Variants in ARHGAP36 observed in about 807,000 individuals in gnomAD.
ARHGAP36 encodes the protein Rho GTPase activating protein 36, also known as rho GTPase-activating protein 36.
In ARHGAP36, 7 loss-of-function variants were observed where a neutral mutation model predicts 32.9. The ratio of observed to expected loss-of-function variants is 0.21; its 90% confidence interval spans 0.12 to 0.40. The LOEUF is 0.40. Ranked by LOEUF, ARHGAP36 falls within the 10% of genes least tolerant of loss-of-function variation. ARHGAP36 has a pLI of 1.00. For synonymous variants in ARHGAP36, 165 were observed against 168.3 expected (o/e 0.98, Z 0.15); for missense variants, 383 against 442.2 (o/e 0.87, Z 1.20).
intron 1 of ARHGAP36, among the ~76,000 whole-genome samples, chrX:131,061,129 AT>A (rs68035708): frequency 1.0e-4 from 11 of 107,541 alleles, no homozygotes; most frequent in African/African-American, 1.0e-4. Flanking sequence ...TGTGACAGCA[AT>A]TTTTTTTTTG....
intron 1 of ARHGAP36, among the ~76,000 whole-genome samples, chrX:131,073,308 C>A (rs1453777887): frequency 8.9e-6 from 1 of 112,906 alleles, no homozygotes; most frequent in Non-Finnish European, 1.9e-5. Flanking sequence ...GCAGGACCCG[C>A]GCAGCGCACC....
chrX:131,076,831 C>T (rs758443345), intron 1 of ARHGAP36, among the ~76,000 whole-genome samples: 4 of 111,936 alleles, frequency 3.6e-5, no homozygotes, highest in Middle Eastern at 4.6e-3. Context: ...GGCTAAGGTC[C>T]TATTTCTGAA....
At chrX:131,063,759 G>A (rs1321188458) in intron 1 of ARHGAP36, among the ~76,000 whole-genome samples, 1 of 72,077 alleles carries the variant, frequency 1.4e-5, no homozygotes, top group African/African-American at 5.1e-5. Flanking sequence ...TTCCACCACC[G>A]CTCCCTGCTT....
chrX:131,073,442 C>T, intron 1 of ARHGAP36, among the ~76,000 whole-genome samples: 1 of 111,820 alleles, frequency 8.9e-6, no homozygotes. Context: ...AGCTCAGAGC[C>T]GAGGGCACGC....
At position 131,086,048 on chromosome X, in the gene ARHGAP36, G is replaced by A; in HGVS notation, c.1240G>A (p.Val414Met). The A allele has an allele frequency of 8.3e-7, 1 of 1,211,761 alleles. No homozygotes were observed. The highest frequency in any genetic ancestry group is 1.1e-6 in the Non-Finnish European group (1 of 895,544). ...GIDHYVASVN[V>M]VRAMIDNWDV... Reference sequence around the variant, plus strand: ...TGATCACTATGTTGCTTCTGTCAATGTGGTCCGTGCCATGATTGATAACTG... The same window carrying A: ...TGATCACTATGTTGCTTCTGTCAATATGGTCCGTGCCATGATTGATAACTG... Residue 414 changes from valine (V) to methionine (M), a missense_variant, in exon 9 of 12, where the codon GTG (valine) becomes ATG (methionine). Coordinates refer to ENST00000276211, the MANE Select transcript of ARHGAP36 (RefSeq NM_144967.4).
chrX:131,069,495 A>G (rs2079721372), intron 1 of ARHGAP36, among the ~76,000 whole-genome samples: 1 of 111,224 alleles, frequency 9.0e-6, no homozygotes, highest in Non-Finnish European at 1.9e-5. Context: ...CAGTTAACAT[A>G]CAGAGGATGT....
chrX:131,078,775 C>A lies in ARHGAP36; in HGVS notation c.-142-2749C>A, dbSNP rs2079778886. ...AGCAAGTAAGGCAATGCCAATTTTTCTGTTAGAACTGCAGCATATAACTGC... is the reference window on the plus strand; with the variant it reads ...AGCAAGTAAGGCAATGCCAATTTTTATGTTAGAACTGCAGCATATAACTGC... On this transcript the variant is annotated intron_variant, in intron 1 of 11. Transcript: ENST00000276211. The A allele has an allele frequency of 4.1e-6, 4 of 967,918 alleles. No homozygotes were observed. The African/African-American group carries it at 6.0e-5, about 15-fold the overall frequency. 79.8% of individuals were successfully genotyped at this position (967,918 alleles called of 1,213,427 possible).
chrX:131,064,579 C>A (rs2079687388), intron 1 of ARHGAP36, among the ~76,000 whole-genome samples: 1 of 111,960 alleles, frequency 8.9e-6, no homozygotes, highest in Non-Finnish European at 1.9e-5. Flanking sequence ...CTTTAGTCAT[C>A]TGAGCAATTC....
intron 1 of ARHGAP36, among the ~76,000 whole-genome samples, chrX:131,079,065 C>T (rs1421222212): frequency 1.8e-5 from 2 of 111,505 alleles, no homozygotes; most frequent in African/African-American, 3.3e-5. Context: ...ATCTGGTAAG[C>T]TTCGATAAGA....
chrX:131,065,697 T>C (rs886866783), intron 1 of ARHGAP36, among the ~76,000 whole-genome samples: 51 of 111,752 alleles, frequency 4.6e-4, no homozygotes, highest in Non-Finnish European at 1.1e-4. Context: ...ACTTTCTGGC[T>C]ACATAATACT....
chrX:131,081,494 T>C, intron 1 of ARHGAP36, 30 bp from the exon 2 acceptor site: 1 of 1,042,740 alleles, frequency 9.6e-7, no homozygotes, highest in African/African-American at 1.9e-5. Context: ...GGCTGAATTT[T>C]TGAAGTTGGA....
rs1435847344 is a variant in ARHGAP36 at position 131,081,832 on chromosome X, C to T, written c.167C>T (p.Ser56Phe). The T allele has an allele frequency of 8.3e-7, 1 of 1,210,678 alleles. No homozygotes were observed. Among genetic ancestry groups the T allele is most frequent in the Admixed American group, 2.2e-5 (1 of 45,870 alleles). Residue 56 changes from serine to phenylalanine, a missense_variant, in exon 2 of 12, where the codon TCT becomes TTT. By Grantham distance (155) the Ser-to-Phe change is radical. Coordinates refer to ENST00000276211, the MANE Select transcript of ARHGAP36 (RefSeq NM_144967.4). The stretch of plus-strand genomic sequence containing the variant: ...AAGATGGTATCGATACACAGCCTCT[C>T]TGAGCTGGAGCGTCTGAAGCTGCAA... ...RTKMVSIHSL[S>F]ELERLKLQET...
rs5903808 is a variant in ARHGAP36 at position 131,075,623 on chromosome X, A to ATGTGTGTGTG, written c.-142-5881_-142-5872dup. 5.8e-3 allele frequency among the ~76,000 whole-genome samples: 565 copies of ATGTGTGTGTG among 98,153 alleles called. 3 individuals carry two copies. The highest frequency in any genetic ancestry group is 5.8e-3 in the Non-Finnish European group (285 of 49,050). 85.2% of individuals were successfully genotyped at this position (98,153 alleles called of 115,157 possible). On this transcript the variant is annotated intron_variant, in intron 1 of 11. Coordinates refer to ENST00000276211, the MANE Select transcript of ARHGAP36 (RefSeq NM_144967.4). ...CACGCATATATATGTGTGTATATAT[A>ATGTGTGTGTG]TGTGTGTGTGTGTGTGTGTGTGTGT...
intron 1 of ARHGAP36, among the ~76,000 whole-genome samples, chrX:131,059,173 T>G (rs1056613473): frequency 1.8e-5 from 2 of 112,389 alleles, no homozygotes; most frequent in African/African-American, 6.5e-5. Flanking sequence ...CACCGGCATA[T>G]GTGGGTCACA....
intron 1 of ARHGAP36, among the ~76,000 whole-genome samples, chrX:131,059,623 C>T (rs191246557): frequency 5.4e-4 from 60 of 112,141 alleles, no homozygotes; most frequent in African/African-American, 1.8e-3. Context: ...CTACAGCTTG[C>T]TTAGGCAGTT....
chrX:131,081,971 C>G (rs1270464882), intron 2 of ARHGAP36, 53 bp downstream of exon 2: 9 of 1,176,282 alleles, frequency 7.7e-6, no homozygotes, highest in East Asian at 3.0e-5. Flanking sequence ...GTGGACCCTC[C>G]GGGCAGGACG....
intron 1 of ARHGAP36, among the ~76,000 whole-genome samples, chrX:131,069,156 C>T (rs1426909167): frequency 8.9e-6 from 1 of 112,216 alleles, no homozygotes; most frequent in Admixed American, 9.3e-5. Flanking sequence ...CTCTGAGGTG[C>T]CCTCCCGCCA....
In ARHGAP36 at chrX:131,088,715, A is replaced by C. The variant is rs367809323; in HGVS notation, c.1574A>C (p.Gln525Pro). Reference protein sequence around the residue: ...EGAGNPPIPEQDRPLLRVPRE... With the variant: ...EGAGNPPIPEPDRPLLRVPRE... The stretch of plus-strand genomic sequence containing the variant: ...GCGGGTAACCCTCCCATTCCGGAGC[A>C]AGACCGCCCATTGCTCCGTGTGCCC... Residue 525 changes from glutamine (Q) to proline (P), a missense_variant, in exon 12 of 12, where the codon CAA (glutamine) becomes CCA (proline). This residue lies in a region of ARHGAP36 where 227 missense variants were observed against 311.3 expected (regional missense o/e 0.73). Coordinates refer to ENST00000276211, the MANE Select transcript of ARHGAP36 (RefSeq NM_144967.4). 1.7e-6 allele frequency: 2 copies of C among 1,210,337 alleles called. No homozygotes were observed. The highest frequency in any genetic ancestry group is 3.5e-5 in the African/African-American group (2 of 57,298).
At chrX:131,075,924 C>T (rs1043333630) in intron 1 of ARHGAP36, among the ~76,000 whole-genome samples, 7 of 111,458 alleles carry the variant, frequency 6.3e-5, no homozygotes, top group Admixed American at 2.9e-4. Context: ...TTAGATAAGT[C>T]ACAGCCTCTC....
Sources: allele counts gnomAD v4.1 joint callset (sites outside exome capture counted in the v4.1 genomes callset), GRCh38; gene constraint gnomAD v4.1.1; regional missense constraint gnomAD v4.1.1; transcripts MANE v1.5; gene names NCBI Gene and HGNC (gene_info 2026-07-23, HGNC 2026-07-21).